Variants in CDH13 observed in about 807,000 individuals in gnomAD.
CDH13 encodes the protein cadherin 13.
Under a neutral mutation model 63.8 loss-of-function variants are expected in CDH13, and 24 were observed. That is an observed-to-expected ratio of 0.38 (90% confidence interval 0.27 to 0.53). The LOEUF (loss-of-function observed/expected upper bound fraction) is 0.53, where lower values mean the gene tolerates loss of function less well. Ranked by LOEUF, CDH13 falls within the 20% of genes least tolerant of loss-of-function variation. The pLI is 0.85. For synonymous variants in CDH13, 503 were observed against 355.3 expected (o/e 1.42, Z -4.67); for missense variants, 1,049 against 903.1 (o/e 1.16, Z -2.07).
Position 83,139,492 on chromosome 16 carries a change from G to C in CDH13, c.483+13991G>C, listed in dbSNP as rs75759688. ...ATGCATTAGTTTACACAATTCACAG[G>C]CTCTGTGTTGCTCAATTTTTAGTTC... is the stretch of plus-strand genomic sequence containing the variant. On this transcript the variant is annotated intron_variant, in intron 4 of 13. Coordinates refer to ENST00000567109, the MANE Select transcript of CDH13 (RefSeq NM_001257.5). Among the ~76,000 whole-genome samples, 94 of 152,198 alleles carry C rather than the reference G, an allele frequency of 6.2e-4. No individual in the cohort carries two copies. In the East Asian group the frequency reaches 0.018, roughly 29 times the overall value.
chr16:83,488,362 G>A (rs903976263), intron 7 of CDH13, among the ~76,000 whole-genome samples: 1 of 152,040 alleles, frequency 6.6e-6, no homozygotes, highest in African/African-American at 2.4e-5. Context: ...CTAATTATAT[G>A]TTTGTTGGCA....
intron 8 of CDH13, among the ~76,000 whole-genome samples, chr16:83,668,101 AC>A (rs1431782052): frequency 6.6e-6 from 1 of 152,190 alleles, no homozygotes; most frequent in East Asian, 1.9e-4. Context: ...GTCTTCTGGA[AC>A]ACTCAGGCAA....
rs538206338 is a variant in CDH13, at chr16:82,866,377, C to CTTTTTTTT, written c.157+7926_157+7933dup. Reference sequence around the variant, plus strand: ...TCTGTTTTCTTTTCTTTTTCTTCTTCTTTTTTTTTTTTTTTTTTTTTTTTT... The same window carrying CTTTTTTTT: ...TCTGTTTTCTTTTCTTTTTCTTCTTCTTTTTTTTTTTTTTTTTTTTTTTTTTTTTTTTT... On this transcript the variant is annotated intron_variant, in intron 2 of 13. Transcript: ENST00000567109. 5.8e-3 allele frequency among the ~76,000 whole-genome samples: 338 copies of CTTTTTTTT among 58,314 alleles called. 31 individuals carry two copies. The highest frequency in any genetic ancestry group is 0.013 in the Middle Eastern group (1 of 78). 38.3% of individuals were successfully genotyped at this position (58,314 alleles called of 152,430 possible).
chr16:83,269,779 C>T (rs1014239441), intron 5 of CDH13, among the ~76,000 whole-genome samples: 1 of 152,176 alleles, frequency 6.6e-6, no homozygotes, highest in East Asian at 1.9e-4. Context: ...TAATCCTAGA[C>T]ATATGGACAG....
intron 2 of CDH13, among the ~76,000 whole-genome samples, chr16:83,003,673 C>G (rs1431426014): frequency 6.6e-6 from 1 of 152,152 alleles, no homozygotes; most frequent in Non-Finnish European, 1.5e-5. Flanking sequence ...GGTGGATGAA[C>G]TAAAACTTAA....
intron 1 of CDH13, among the ~76,000 whole-genome samples, chr16:82,631,289 G>A (rs959619549): frequency 9.9e-5 from 15 of 152,256 alleles, no homozygotes; most frequent in South Asian, 2.1e-4. Context: ...GACTTTGGTT[G>A]GACTTGATTT....
chr16:82,922,310 A>G (rs1271491959), intron 2 of CDH13, among the ~76,000 whole-genome samples: 1 of 152,212 alleles, frequency 6.6e-6, no homozygotes, highest in African/African-American at 2.4e-5. Flanking sequence ...AACTTTTCAC[A>G]TAAGTAACTA....
chr16:83,286,680 T>C (rs1051338584), intron 5 of CDH13, among the ~76,000 whole-genome samples: 4 of 150,452 alleles, frequency 2.7e-5, no homozygotes, highest in African/African-American at 9.8e-5. Context: ...TACCTGAACC[T>C]GGGAGGTGGA....
At chr16:82,945,587 T>C (rs914308222) in intron 2 of CDH13, among the ~76,000 whole-genome samples, 2 of 152,214 alleles carry the variant, frequency 1.3e-5, no homozygotes, top group African/African-American at 4.8e-5. Context: ...TGTGTTTTTT[T>C]TCTTCGCGGT....
chr16:83,564,337 G>T (rs984719755), intron 7 of CDH13, among the ~76,000 whole-genome samples: 1 of 150,852 alleles, frequency 6.6e-6, no homozygotes, highest in Non-Finnish European at 1.5e-5. Context: ...CATAAACCCA[G>T]ACAAGGGGCA....
intron 7 of CDH13, among the ~76,000 whole-genome samples, chr16:83,540,905 T>C (rs1212294703): frequency 1.3e-5 from 2 of 152,218 alleles, no homozygotes; most frequent in African/African-American, 4.8e-5. Context: ...GCTGGGATTA[T>C]AGGCGTGAGC....
intron 1 of CDH13, among the ~76,000 whole-genome samples, chr16:82,669,191 C>T (rs983708992): frequency 2.6e-5 from 4 of 152,192 alleles, no homozygotes; most frequent in African/African-American, 4.8e-5. Context: ...CTCTTGAGGA[C>T]ACCATTCCTC....
chr16:82,977,730 G>T (rs542533820), intron 2 of CDH13, among the ~76,000 whole-genome samples: 21 of 152,252 alleles, frequency 1.4e-4, no homozygotes, highest in African/African-American at 5.1e-4. Context: ...GAGGGAGCAG[G>T]GTGCTGCTCT....
chr16:83,559,787 A>G (rs1417047178), intron 7 of CDH13, among the ~76,000 whole-genome samples: 1 of 152,208 alleles, frequency 6.6e-6, no homozygotes, highest in Non-Finnish European at 1.5e-5. Flanking sequence ...AAGAACAGGG[A>G]TTGGAAGCCA....
chr16:83,726,623 G>A (rs944868777), intron 10 of CDH13, among the ~76,000 whole-genome samples: 1 of 152,132 alleles, frequency 6.6e-6, no homozygotes, highest in African/African-American at 2.4e-5. Flanking sequence ...ATCACGAGGT[G>A]AGGAGATCAA....
chr16:83,447,286 G>A (rs1020795591), intron 6 of CDH13, among the ~76,000 whole-genome samples: 12 of 151,248 alleles, frequency 7.9e-5, no homozygotes, highest in African/African-American at 2.9e-4. Flanking sequence ...GTGGTGGTGG[G>A]TGCTTCTAAT....
chr16:83,284,671 C>T (rs1378410726), intron 5 of CDH13, among the ~76,000 whole-genome samples: 1 of 151,814 alleles, frequency 6.6e-6, no homozygotes, highest in Non-Finnish European at 1.5e-5. Context: ...CATAACATAA[C>T]ATAGCGTAAT....
chr16:82,797,610 C>G (rs1449607317), intron 1 of CDH13, among the ~76,000 whole-genome samples: 1 of 152,134 alleles, frequency 6.6e-6, no homozygotes, highest in Non-Finnish European at 1.5e-5. Flanking sequence ...TTCCTCCACT[C>G]CATGCAAACA....
At chr16:83,684,337 C>A (rs1904282469) in intron 10 of CDH13, among the ~76,000 whole-genome samples, 1 of 151,972 alleles carries the variant, frequency 6.6e-6, no homozygotes, top group South Asian at 2.1e-4. Context: ...GATGGTGCAA[C>A]TGCACTCCAG....
Sources: gnomAD v4.1 joint callset for allele counts (sites outside exome capture counted in the v4.1 genomes callset) on GRCh38, gnomAD v4.1.1 for gene constraint, MANE v1.5 for transcripts, NCBI Gene and HGNC (gene_info 2026-07-23, HGNC 2026-07-21) for gene names.